Variants in GALNT18 observed in about 807,000 individuals in gnomAD.
GALNT18 encodes the protein GalNAc-transferase 18.
A neutral mutation model predicts 69.5 loss-of-function variants in GALNT18; 44 were observed. The observed-to-expected ratio is 0.63, with a 90% CI of 0.50 to 0.81. The LOEUF is 0.81. Ranked by LOEUF, GALNT18 falls within the 40% of genes least tolerant of loss-of-function variation. The probability of loss-of-function intolerance (pLI) is 0.00; values close to 1 mark genes in which losing one functional copy is unlikely to be tolerated. For missense variants in GALNT18, 715 were observed against 810.0 expected (o/e 0.88, Z 1.42); for synonymous variants, 364 against 318.2 (o/e 1.14, Z -1.53).
rs568979081 is a variant in GALNT18, at chr11:11,616,188, G to C, written c.235+5171C>G. Reference sequence around the variant, plus strand: ...AGCAAGGACACAAATAGTCCCACAAGATAAAACAAATACCAGGGGTGGGGG... The same window carrying C: ...AGCAAGGACACAAATAGTCCCACAACATAAAACAAATACCAGGGGTGGGGG... On this transcript the variant is annotated intron_variant, in intron 1 of 10. Coordinates refer to ENST00000227756, the MANE Select transcript of GALNT18 (RefSeq NM_198516.3). The surrounding 1 kb of genome is among the most constrained non-coding windows in gnomAD (Gnocchi z 4.4). Among the ~76,000 whole-genome samples, 1 of 152,180 alleles carries C rather than the reference G, an allele frequency of 6.6e-6. No homozygotes were observed. Among genetic ancestry groups the C allele is most frequent in the East Asian group, 1.9e-4 (1 of 5,174 alleles).
intron 1 of GALNT18, among the ~76,000 whole-genome samples, chr11:11,474,424 T>G (rs1856342789): frequency 6.6e-6 from 1 of 152,200 alleles, no homozygotes; most frequent in South Asian, 2.1e-4. Flanking sequence ...TGAGCCTTTG[T>G]GAGGAGTGTG....
At chr11:11,294,292 G>C (rs995787045) in intron 9 of GALNT18, among the ~76,000 whole-genome samples, 2 of 152,168 alleles carry the variant, frequency 1.3e-5, no homozygotes, top group Non-Finnish European at 2.9e-5. Context: ...AATTACGTTA[G>C]AGACGCAGCA....
intron 3 of GALNT18, among the ~76,000 whole-genome samples, chr11:11,388,364 T>A (rs543095096): frequency 3.3e-4 from 51 of 152,278 alleles, no homozygotes; most frequent in African/African-American, 1.2e-3. Context: ...TTGTAAAAAA[T>A]GGTCAGAACT....
At chr11:11,282,181 T>C (rs895384480) in intron 10 of GALNT18, among the ~76,000 whole-genome samples, 7 of 150,250 alleles carry the variant, frequency 4.7e-5, no homozygotes, top group Non-Finnish European at 8.9e-5. Context: ...ACAGACTCTT[T>C]CTTCTTCTCT....
At chr11:11,537,662 A>G (rs535229843) in intron 1 of GALNT18, among the ~76,000 whole-genome samples, 44 of 152,192 alleles carry the variant, frequency 2.9e-4, no homozygotes, top group Non-Finnish European at 2.9e-4. Context: ...CCCAAAACCC[A>G]GTCCTTGGAC....
chr11:11,474,774 T>C (rs1273113088), intron 1 of GALNT18, among the ~76,000 whole-genome samples: 1 of 152,198 alleles, frequency 6.6e-6, no homozygotes, highest in Non-Finnish European at 1.5e-5. Context: ...CTCCTAACCA[T>C]GGGAAGAGTT....
At chr11:11,503,704 A>G (rs1857016026) in intron 1 of GALNT18, among the ~76,000 whole-genome samples, 1 of 152,268 alleles carries the variant, frequency 6.6e-6, no homozygotes, top group Non-Finnish European at 1.5e-5. Flanking sequence ...CCTGCGGATT[A>G]TGAGAAAGCT....
intron 10 of GALNT18, among the ~76,000 whole-genome samples, chr11:11,274,189 G>T (rs1305897314): frequency 6.6e-6 from 1 of 152,210 alleles, no homozygotes; most frequent in East Asian, 1.9e-4. Context: ...TTTGCAACTG[G>T]CAGACCAGGA....
Position 11,372,217 on chromosome 11 carries a change from C to G in GALNT18, c.1092+298G>C, listed in dbSNP as rs1464348346. On this transcript the variant is annotated intron_variant, in intron 6 of 10. Transcript: ENST00000227756. This position sits in a 1 kb window ranked among gnomAD's most constrained non-coding sequence, Gnocchi z 4.9. ...GCCTGTTATTGCTTCCTAGAGCACA[C>G]CTTTGCTCACTCTGATGGGCCTCAG... Among the ~76,000 whole-genome samples, 1 of 152,162 alleles carries G rather than the reference C, an allele frequency of 6.6e-6. No homozygotes were observed. Among genetic ancestry groups the G allele is most frequent in the African/African-American group, 2.4e-5 (1 of 41,424 alleles).
At chr11:11,364,429 G>C (rs564913280) in intron 6 of GALNT18, among the ~76,000 whole-genome samples, 2 of 152,290 alleles carry the variant, frequency 1.3e-5, no homozygotes, top group South Asian at 2.1e-4. Context: ...TACCAATTTA[G>C]ATGAAATGTA....
At chr11:11,493,399 C>G (rs183171692) in intron 1 of GALNT18, among the ~76,000 whole-genome samples, 2 of 152,214 alleles carry the variant, frequency 1.3e-5, no homozygotes, top group Admixed American at 6.5e-5. Context: ...AACAACATCT[C>G]CCATTCATGA....
chr11:11,275,993 T>C (rs890482432), intron 10 of GALNT18, among the ~76,000 whole-genome samples: 1 of 152,232 alleles, frequency 6.6e-6, no homozygotes, highest in African/African-American at 2.4e-5. Flanking sequence ...TTATTTTTCT[T>C]AAGATTGTCT....
rs1857964205 is a variant in GALNT18, at chr11:11,543,097, T to G, written c.235+78262A>C. On this transcript the variant is annotated intron_variant, in intron 1 of 10. Coordinates refer to ENST00000227756, the MANE Select transcript of GALNT18 (RefSeq NM_198516.3). The surrounding 1 kb of genome is among the most constrained non-coding windows in gnomAD (Gnocchi z 5.1). The stretch of plus-strand genomic sequence containing the variant: ...AAGGATCTGGTGCATGGAAAGTGCT[T>G]GGTCAGTGTTAGTTACTATTATTAA... Among the ~76,000 whole-genome samples, 1 of 152,208 alleles carries G rather than the reference T, an allele frequency of 6.6e-6. No homozygotes were observed. The highest frequency in any genetic ancestry group is 1.5e-5 in the Non-Finnish European group (1 of 68,042).
rs890607788 is a variant in GALNT18 at position 11,337,719 on chromosome 11, C to G, written c.1278+3100G>C. Among the ~76,000 whole-genome samples the G allele has an allele frequency of 5.3e-5, 8 of 151,886 alleles. No individual in the cohort carries two copies. Among genetic ancestry groups the G allele is most frequent in the Non-Finnish European group, 1.0e-4 (7 of 68,004 alleles). ...AGGAAGAGGTAGAGGGTAGGGAATT[C>G]CAAGCAGGATGAACAAGCACCGAGG... is the stretch of plus-strand genomic sequence containing the variant. On this transcript the variant is annotated intron_variant, in intron 7 of 10. Transcript: ENST00000227756. This position sits in a 1 kb window ranked among gnomAD's most constrained non-coding sequence, Gnocchi z 4.9.
Position 11,555,658 on chromosome 11 carries a change from A to T in GALNT18, c.235+65701T>A, listed in dbSNP as rs1858316820. On this transcript the variant is annotated intron_variant, in intron 1 of 10. Coordinates refer to ENST00000227756, the MANE Select transcript of GALNT18 (RefSeq NM_198516.3). This position sits in a 1 kb window ranked among gnomAD's most constrained non-coding sequence, Gnocchi z 4.7. ...ACCCACTAAAGACACGTCCTGCCAG[A>T]CTTTCCTCATTTCCTTAACAGCATT... is the stretch of plus-strand genomic sequence containing the variant. 6.6e-6 allele frequency among the ~76,000 whole-genome samples: 1 copy of T among 152,228 alleles called. No individual in the cohort carries two copies. Among genetic ancestry groups the T allele is most frequent in the African/African-American group, 2.4e-5 (1 of 41,476 alleles).
intron 10 of GALNT18, among the ~76,000 whole-genome samples, chr11:11,289,745 A>G (rs61872382): frequency 0.21 from 31,620 of 152,104 alleles, 3,347 homozygotes; most frequent in South Asian, 0.26. Context: ...GAAAGAGGGT[A>G]GAAGTGTCTG....
At chr11:11,409,283 A>T (rs1419835413) in intron 3 of GALNT18, among the ~76,000 whole-genome samples, 1 of 152,012 alleles carries the variant, frequency 6.6e-6, no homozygotes, top group Non-Finnish European at 1.5e-5. Flanking sequence ...AAGGAAACTC[A>T]GTCAGTGTCT....
intron 1 of GALNT18, among the ~76,000 whole-genome samples, chr11:11,471,258 C>T (rs956689264): frequency 1.3e-5 from 2 of 152,110 alleles, no homozygotes; most frequent in Non-Finnish European, 2.9e-5. Flanking sequence ...CAGAACATGG[C>T]GTCGGGCTCA....
intron 2 of GALNT18, among the ~76,000 whole-genome samples, chr11:11,443,240 G>A (rs1030312586): frequency 3.3e-5 from 5 of 151,972 alleles, no homozygotes; most frequent in East Asian, 1.9e-4. Context: ...TCAACCCTGC[G>A]CCATCCTCCT....
Sources: allele counts gnomAD v4.1 joint callset (sites outside exome capture counted in the v4.1 genomes callset), GRCh38; gene constraint gnomAD v4.1.1; non-coding constraint Gnocchi (gnomAD v3.1); transcripts MANE v1.5; gene names NCBI Gene and HGNC (gene_info 2026-07-23, HGNC 2026-07-21).